TEX2: variants seen among roughly 807,000 people sequenced by gnomAD.
TEX2 encodes testis expressed 2, also known as testis-expressed protein 2.
A neutral mutation model predicts 106.9 loss-of-function variants in TEX2; 53 were observed. The ratio of observed to expected loss-of-function variants is 0.50; its 90% CI spans 0.40 to 0.62. The LOEUF is 0.62. Among genes scored for constraint, TEX2 ranks in the 20% least tolerant of loss-of-function variants. TEX2 has a pLI of 0.00. For missense variants in TEX2, 1,207 were observed against 1,379.0 expected, an observed-to-expected ratio of 0.88 and a Z score of 1.98; for synonymous variants, 523 against 534.8, an observed-to-expected ratio of 0.98 and a Z score of 0.30.
In TEX2 at chr17:64,193,676, G is replaced by A; in HGVS notation, c.2059C>T (p.Leu687Phe). ...GTRSSQRDQI[L>F]YLFGRTGREK... ...CGGCCAGTTCTCCCAAAGAGATAGA[G>A]TATCTGATCTCGCTGGCTAGATCTT... Residue 687 changes from leucine (L) to phenylalanine (F), a missense_variant, in exon 4 of 12, where the codon CTC becomes TTC. Physicochemically the swap from Leu to Phe is conservative, Grantham distance 22. Transcript: ENST00000584379. The A allele has an allele frequency of 6.2e-7, 1 of 1,600,150 alleles. No individual in the cohort carries two copies. The highest frequency in any genetic ancestry group is 1.1e-5 in the South Asian group (1 of 88,642).
chr17:64,156,496 T>C (rs922244104), intron 8 of TEX2, among the ~76,000 whole-genome samples: 10 of 152,240 alleles, frequency 6.6e-5, no homozygotes, highest in Admixed American at 2.0e-4. Flanking sequence ...GAAATGCTTA[T>C]GTGTATCCAC....
chr17:64,193,697 A>T lies in TEX2; in HGVS notation c.2038T>A (p.Ser680Thr). The T allele has an allele frequency of 6.2e-7, 1 of 1,611,202 alleles. No homozygotes were observed. Among genetic ancestry groups the T allele is most frequent in the Non-Finnish European group, 8.5e-7 (1 of 1,178,742 alleles). The change falls in exon 4 of 12, where the codon TCT (serine) becomes ACT (threonine). Residue 680 changes from serine (S) to threonine (T), a missense_variant. Physicochemically the swap from Ser to Thr is moderately conservative, Grantham distance 58. Transcript: ENST00000584379. ...KPPRPQEGTR[S>T]SQRDQILYLF... is the part of the protein sequence containing the mutation. ...TAGAGTATCTGATCTCGCTGGCTAGATCTTGTTCCCTCCTGAGGGCGGGGT... is the reference window on the plus strand; with the variant it reads ...TAGAGTATCTGATCTCGCTGGCTAGTTCTTGTTCCCTCCTGAGGGCGGGGT...
In TEX2 at chr17:64,193,763, C is replaced by T; in HGVS notation, c.1972G>A (p.Glu658Lys). ...TCACTTCCCTCAGCTGGCGGCTTCT[C>T]TTCTGAAGTCTCCTTATCAGTCTGA... ...KAQTDKETSE[E>K]KPPAEGSEDP... is the part of the protein sequence containing the mutation. The change falls in exon 4 of 12, where the codon GAG becomes AAG. Residue 658 changes from glutamate to lysine, a missense_variant. Around this residue, in one of 3 missense-constraint regions of TEX2, gnomAD observed 1,067 missense variants for 1,193.6 expected, o/e 0.89. Coordinates refer to ENST00000584379, the MANE Select transcript of TEX2 (RefSeq NM_001288732.2). 1 of 1,613,900 alleles carries T rather than the reference C, an allele frequency of 6.2e-7. No homozygotes were observed. Among genetic ancestry groups the T allele is most frequent in the Middle Eastern group, 1.7e-4 (1 of 6,060 alleles).
At position 64,172,081 on chromosome 17, in the gene TEX2, G is replaced by A. The variant is rs572752829; in HGVS notation, c.2572-882C>T. On this transcript the variant is annotated intron_variant, in intron 6 of 11. Transcript: ENST00000584379. ...GAAAAACAGCACATGCTGGCCAGGC[G>A]CAGTGGCTCACGCCTGTAATCCCAG... 2.3e-4 allele frequency among the ~76,000 whole-genome samples: 35 copies of A among 152,034 alleles called. No homozygotes were observed. In the East Asian group the frequency reaches 6.0e-3, roughly 26 times the overall value.
intron 2 of TEX2, among the ~76,000 whole-genome samples, chr17:64,206,550 C>CTTTTTTTT (rs60956243): frequency 2.6e-5 from 2 of 77,190 alleles, no homozygotes; most frequent in African/African-American, 5.6e-5. Context: ...AGAGGTCTTA[C>CTTTTTTTT]TTTTTTTTTT....
At chr17:64,209,846 C>A (rs1490718957) in intron 2 of TEX2, among the ~76,000 whole-genome samples, 2 of 152,206 alleles carry the variant, frequency 1.3e-5, no homozygotes, top group Non-Finnish European at 2.9e-5. Context: ...TGCCTTTATT[C>A]TTCCAGTGAT....
intron 1 of TEX2, among the ~76,000 whole-genome samples, chr17:64,226,128 T>C (rs2033500114): frequency 6.6e-6 from 1 of 152,182 alleles, no homozygotes; most frequent in Non-Finnish European, 1.5e-5. Context: ...ATTTTAAAGT[T>C]TGAAACTATG....
chr17:64,149,259 G>A (rs772472545), intron 11 of TEX2, 168 bp from the exon 12 acceptor site: 29 of 679,382 alleles, frequency 4.3e-5, no homozygotes, highest in Non-Finnish European at 6.4e-5. Flanking sequence ...AGAAAGAGTT[G>A]AGGAATCATA....
rs922208983 is a variant in TEX2, at chr17:64,147,520, G to A, written c.*1449C>T. On this transcript the variant is annotated 3_prime_UTR_variant, in exon 12 of 12. Transcript: ENST00000584379. ...ATACTATTTGATTAAGTGCAACATG[G>A]TACAGTCATGTGTAATCTCTTTACA... 2 of 152,384 alleles carry A rather than the reference G, an allele frequency of 1.3e-5. No homozygotes were observed. Among genetic ancestry groups the A allele is most frequent in the African/African-American group, 4.8e-5 (2 of 41,528 alleles). 9.4% of individuals were successfully genotyped at this position (152,384 alleles called of 1,614,324 possible). A position where few individuals can be genotyped will look rare whatever the true frequency, so the allele number is the denominator to read the frequency against.
Position 64,213,398 on chromosome 17 carries a change from T to C in TEX2, c.820A>G (p.Thr274Ala), listed in dbSNP as rs1555632027. ...TCGGGCACTTTAAAAAAGGAACGAG[T>C]ATCAGAGGGAGAAGTCAGTGGGGAA... ...PSSPLTSPSDTRSFFKVPEME... is the reference protein window; with the variant it reads ...PSSPLTSPSDARSFFKVPEME... Residue 274 changes from threonine (T) to alanine (A), a missense_variant, in exon 2 of 12, where the codon ACT (threonine) becomes GCT (alanine). By Grantham distance (58) the Thr-to-Ala change is moderately conservative. This residue lies in a region of TEX2 where 1,067 missense variants were observed against 1,193.6 expected (regional missense o/e 0.89). Transcript: ENST00000584379. This position sits in a 1 kb window ranked among gnomAD's most constrained non-coding sequence, Gnocchi z 4.4. 1 of 1,613,882 alleles carries C rather than the reference T, an allele frequency of 6.2e-7. No homozygotes were observed. The highest frequency in any genetic ancestry group is 1.7e-5 in the Admixed American group (1 of 60,004).
intron 1 of TEX2, among the ~76,000 whole-genome samples, chr17:64,261,271 C>T (rs988645242): frequency 2.6e-5 from 4 of 152,036 alleles, no homozygotes; most frequent in African/African-American, 2.4e-5. Context: ...TTCTGGCATA[C>T]AGCAAAATTA....
intron 2 of TEX2, among the ~76,000 whole-genome samples, chr17:64,212,218 C>A (rs112951646): frequency 7.1e-4 from 108 of 152,284 alleles, no homozygotes; most frequent in African/African-American, 2.5e-3. Context: ...GTATTTAACC[C>A]TTCTTCAAGG....
At chr17:64,181,352 T>G (rs1158113081) in intron 5 of TEX2, among the ~76,000 whole-genome samples, 1 of 151,368 alleles carries the variant, frequency 6.6e-6, no homozygotes, top group Non-Finnish European at 1.5e-5. Flanking sequence ...GGTGCGTGCC[T>G]ATAGTCCCAG....
intron 1 of TEX2, among the ~76,000 whole-genome samples, chr17:64,254,010 C>T (rs2034139722): frequency 6.6e-6 from 1 of 152,120 alleles, no homozygotes; most frequent in Admixed American, 6.6e-5. Context: ...GCCTCTAAAC[C>T]CTCCTGGCAG....
At position 64,153,117 on chromosome 17, in the gene TEX2, A is replaced by C; in HGVS notation, c.2968T>G (p.Phe990Val). 6.2e-7 allele frequency: 1 copy of C among 1,614,022 alleles called. No homozygotes were observed. Among genetic ancestry groups the C allele is most frequent in the Non-Finnish European group, 8.5e-7 (1 of 1,179,942 alleles). ...GGHRTSKIMR[F>V]VDKITKSKYF... ...TTTGACTTGGTAATTTTATCAACAA[A>C]CCTCATAATCTTACTTGTTCGATGA... Residue 990 changes from phenylalanine (F) to valine (V), a missense_variant, in exon 10 of 12, where the codon TTT (phenylalanine) becomes GTT (valine). Around this residue, in one of 3 missense-constraint regions of TEX2, gnomAD observed 63 missense variants for 112.2 expected, o/e 0.56. Transcript: ENST00000584379. This position sits in a 1 kb window ranked among gnomAD's most constrained non-coding sequence, Gnocchi z 4.1.
At chr17:64,159,771 C>T (rs543950179) in intron 8 of TEX2, among the ~76,000 whole-genome samples, 1 of 152,294 alleles carries the variant, frequency 6.6e-6, no homozygotes, top group Non-Finnish European at 1.5e-5. Context: ...GAAAATAGCA[C>T]AGACACCGGT....
chr17:64,209,303 A>C (rs1555631185), intron 2 of TEX2, among the ~76,000 whole-genome samples: 1 of 152,264 alleles, frequency 6.6e-6, no homozygotes, highest in African/African-American at 2.4e-5. Flanking sequence ...AGCTTGTAAC[A>C]GACAGCATAT....
intron 7 of TEX2, among the ~76,000 whole-genome samples, chr17:64,166,473 G>A (rs1380456045): frequency 6.6e-6 from 1 of 152,226 alleles, no homozygotes; most frequent in Non-Finnish European, 1.5e-5. Context: ...GGTTGGAAGT[G>A]TGAGGCTGCT....
chr17:64,174,548 C>T (rs922817534), intron 6 of TEX2, among the ~76,000 whole-genome samples: 1 of 152,190 alleles, frequency 6.6e-6, no homozygotes, highest in Non-Finnish European at 1.5e-5. Flanking sequence ...TAAGGTCATT[C>T]CTCCTGTTCT....
Sources: gnomAD v4.1 joint callset for allele counts (sites outside exome capture counted in the v4.1 genomes callset) on GRCh38, gnomAD v4.1.1 for gene constraint, gnomAD v4.1.1 regional missense constraint, Gnocchi (gnomAD v3.1) non-coding constraint, MANE v1.5 for transcripts, NCBI Gene and HGNC (gene_info 2026-07-23, HGNC 2026-07-21) for gene names.